PHF24: variants seen among roughly 807,000 people sequenced by gnomAD.
The protein encoded by PHF24 is Galpha inhibitory interacting protein.
PHF24 carries 25 observed loss-of-function variants against 42.6 expected under a neutral mutation model. That is an observed-to-expected ratio of 0.59 (90% CI 0.43 to 0.82). PHF24 has a LOEUF of 0.82. Ranked by LOEUF, PHF24 falls within the 40% of genes least tolerant of loss-of-function variation. The probability of loss-of-function intolerance (pLI) is 0.00; values close to 1 mark genes in which losing one functional copy is unlikely to be tolerated. For missense variants in PHF24, 470 were observed against 538.1 expected (o/e 0.87, Z 1.25); for synonymous variants, 185 against 204.8 (o/e 0.90, Z 0.83).
chr9:34,750,515 TAA>T, the PHF24 span, among the ~76,000 whole-genome samples: 1 of 150,548 alleles, frequency 6.6e-6, no homozygotes, highest in African/African-American at 2.4e-5. Context: ...AATAAATAAA[TAA>T]ATAAATAAAT....
chr9:34,871,653 A>T, the PHF24 span, among the ~76,000 whole-genome samples: 5 of 152,076 alleles, frequency 3.3e-5, no homozygotes, highest in African/African-American at 1.2e-4. Context: ...ATTTTTGCAT[A>T]TTGATGTTCA....
chr9:34,738,857 A>G, the PHF24 span, among the ~76,000 whole-genome samples: 3 of 152,136 alleles, frequency 2.0e-5, no homozygotes, highest in African/African-American at 7.2e-5. Flanking sequence ...TAGAGCAGCC[A>G]TTTGTGGTCC....
At chr9:34,753,346 A>G in the PHF24 span, among the ~76,000 whole-genome samples, 3 of 152,098 alleles carry the variant, frequency 2.0e-5, no homozygotes, top group African/African-American at 4.8e-5. Context: ...TAGCAATTCT[A>G]TATGTAATAA....
At chr9:34,770,430 A>G in the PHF24 span, among the ~76,000 whole-genome samples, 2 of 152,178 alleles carry the variant, frequency 1.3e-5, no homozygotes, top group South Asian at 4.1e-4. Flanking sequence ...AGTGCAAAAT[A>G]GTACAATTCC....
At chr9:34,849,971 G>A in the PHF24 span, among the ~76,000 whole-genome samples, 2 of 152,188 alleles carry the variant, frequency 1.3e-5, no homozygotes, top group East Asian at 1.9e-4. Context: ...TGAGAGATCC[G>A]CTGTTAGTCT....
upstream of PHF24, among the ~76,000 whole-genome samples, chr9:34,958,142 C>T (rs1363901328): frequency 1.4e-5 from 2 of 147,936 alleles, no homozygotes; most frequent in East Asian, 2.0e-4. This position sits in a 1 kb window ranked among gnomAD's most constrained non-coding sequence, Gnocchi z 4.5. Flanking sequence ...CGGGGCGGGG[C>T]GCGCCCACCG....
At chr9:34,846,232 C>T in the PHF24 span, among the ~76,000 whole-genome samples, 7 of 152,182 alleles carry the variant, frequency 4.6e-5, no homozygotes, top group Non-Finnish European at 8.8e-5. Flanking sequence ...TAAAAGTGTT[C>T]CTATTTCTCC....
chr9:34,837,264 G>T, the PHF24 span: 3 of 375,286 alleles, frequency 8.0e-6, no homozygotes, highest in Admixed American at 3.5e-5. Context: ...AGGCCTTTCT[G>T]TGCACAGTGT....
chr9:34,726,806 G>A, the PHF24 span: 1 of 1,551,678 alleles, frequency 6.4e-7, no homozygotes, highest in Non-Finnish European at 8.7e-7. Flanking sequence ...AGACATACTA[G>A]ACGTAGACAG....
the PHF24 span, among the ~76,000 whole-genome samples, chr9:34,877,015 C>T: frequency 6.6e-6 from 1 of 152,154 alleles, no homozygotes; most frequent in Non-Finnish European, 1.5e-5. Context: ...GGCATGGTGG[C>T]TCACATCTGT....
At chr9:34,807,239 C>T in the PHF24 span, among the ~76,000 whole-genome samples, 2 of 152,260 alleles carry the variant, frequency 1.3e-5, no homozygotes, top group African/African-American at 4.8e-5. Flanking sequence ...TTGTTGTGCA[C>T]TTTTATTATA....
the PHF24 span, chr9:34,689,482 T>G: frequency 3.4e-6 from 1 of 296,796 alleles, no homozygotes; most frequent in Non-Finnish European, 6.2e-6. The surrounding 1 kb of genome is among the most constrained non-coding windows in gnomAD (Gnocchi z 4.1). Flanking sequence ...GATCTATGGG[T>G]GCCAGGTGCC....
the PHF24 span, among the ~76,000 whole-genome samples, chr9:34,732,602 C>A: frequency 1.3e-5 from 2 of 152,082 alleles, no homozygotes; most frequent in Non-Finnish European, 2.9e-5. Flanking sequence ...CTTTGCTGTG[C>A]AGAAGCTTTT....
the PHF24 span, among the ~76,000 whole-genome samples, chr9:34,684,615 G>A: frequency 1.3e-5 from 2 of 152,272 alleles, no homozygotes; most frequent in East Asian, 1.9e-4. Flanking sequence ...CAGGAATGGG[G>A]GTTCCTCAAC....
At chr9:34,727,104 A>T in the PHF24 span, 1 of 1,437,856 alleles carries the variant, frequency 7.0e-7, no homozygotes, top group Non-Finnish European at 9.1e-7. Context: ...GGCCTATACC[A>T]TCTTGTTGTC....
chr9:34,919,510 CT>C, the PHF24 span, among the ~76,000 whole-genome samples: 372 of 151,488 alleles, frequency 2.5e-3, 1 homozygote, highest in Non-Finnish European at 4.1e-3. Context: ...ATGAGATCAA[CT>C]TTTTTTTTAA....
chr9:34,707,378 A>C, the PHF24 span, among the ~76,000 whole-genome samples: 46 of 152,318 alleles, frequency 3.0e-4, no homozygotes, highest in African/African-American at 1.1e-3. Context: ...TGACCTTTGC[A>C]TAACCCTTGG....
chr9:34,717,396 G>A, the PHF24 span, among the ~76,000 whole-genome samples: 1 of 152,166 alleles, frequency 6.6e-6, no homozygotes, highest in Non-Finnish European at 1.5e-5. Flanking sequence ...TGGACTAAGT[G>A]TGTCTACCTG....
chr9:34,750,682 A>G, the PHF24 span, among the ~76,000 whole-genome samples: 1 of 152,084 alleles, frequency 6.6e-6, no homozygotes, highest in Non-Finnish European at 1.5e-5. Context: ...GTAACTTAAA[A>G]TCAGAAAAAC....
Sources: allele counts gnomAD v4.1 joint callset (sites outside exome capture counted in the v4.1 genomes callset), GRCh38; gene constraint gnomAD v4.1.1; non-coding constraint Gnocchi (gnomAD v3.1); transcripts MANE v1.5; gene names NCBI Gene and HGNC (gene_info 2026-07-23, HGNC 2026-07-21).